Variants in TAF3 observed in about 807,000 individuals in gnomAD.
The protein encoded by TAF3 is TATA-box binding protein associated factor 3, also known as transcription initiation factor TFIID subunit 3.
TAF3 carries 7 observed loss-of-function variants against 80.6 expected under a neutral mutation model. The observed-to-expected ratio is 0.09, with a 90% CI of 0.05 to 0.16. The LOEUF (loss-of-function observed/expected upper bound fraction) is 0.16. TAF3 is among the 10% of genes least tolerant of loss of function. The pLI, the probability that TAF3 is intolerant of heterozygous loss-of-function variation, is 1.00. For missense variants in TAF3, 921 were observed against 1,140.2 expected (o/e 0.81, Z 2.77); for synonymous variants, 444 against 446.1 (o/e 1.00, Z 0.06).
chr10:7,981,912 G>A (rs968051735), intron 4 of TAF3, among the ~76,000 whole-genome samples: 7 of 152,124 alleles, frequency 4.6e-5, no homozygotes, highest in Non-Finnish European at 8.8e-5. Flanking sequence ...AAATCAATAT[G>A]TATAGACACT....
At chr10:7,926,354 TTGAG>T (rs779100423) in intron 2 of TAF3, among the ~76,000 whole-genome samples, 16 of 152,200 alleles carry the variant, frequency 1.1e-4, no homozygotes, top group Non-Finnish European at 1.5e-4. Flanking sequence ...CCATACTTGA[TTGAG>T]TAAAAGTTAA....
At chr10:7,871,435 C>CTTTTTTTTGTTTTTTTTTTTTTTTTTT (rs1837264078) in intron 2 of TAF3, among the ~76,000 whole-genome samples, 1 of 69,116 alleles carries the variant, frequency 1.4e-5, no homozygotes, top group South Asian at 5.2e-4. Context: ...ATAACTGCTG[C>CTTTTTTTTGTTTTTTTTTTTTTTTTTT]TTTTTTTTTT....
intron 2 of TAF3, among the ~76,000 whole-genome samples, chr10:7,918,378 C>T (rs1837732181): frequency 6.6e-6 from 1 of 151,980 alleles, no homozygotes; most frequent in Non-Finnish European, 1.5e-5. Context: ...AATGCAGTGC[C>T]ACATGTAGAC....
At chr10:7,849,952 A>G (rs1437570964) in intron 2 of TAF3, among the ~76,000 whole-genome samples, 1 of 152,190 alleles carries the variant, frequency 6.6e-6, no homozygotes, top group Non-Finnish European at 1.5e-5. Context: ...AGGTACTGGG[A>G]TTACAGGCGT....
intron 2 of TAF3, among the ~76,000 whole-genome samples, chr10:7,833,210 G>C (rs987047385): frequency 6.6e-6 from 1 of 152,150 alleles, no homozygotes; most frequent in African/African-American, 2.4e-5. Flanking sequence ...CAAATCTTTT[G>C]GGTAAATACT....
At chr10:7,913,628 G>C (rs1396854408) in intron 2 of TAF3, among the ~76,000 whole-genome samples, 2 of 152,162 alleles carry the variant, frequency 1.3e-5, no homozygotes, top group Admixed American at 1.3e-4. Flanking sequence ...TTGTTCCCCA[G>C]TAGTCCTTGT....
chr10:7,930,232 T>G (rs954665417), intron 2 of TAF3, among the ~76,000 whole-genome samples: 1 of 151,762 alleles, frequency 6.6e-6, no homozygotes, highest in African/African-American at 2.4e-5. Flanking sequence ...CTAAGAGAAA[T>G]CCTAAAAGGC....
intron 2 of TAF3, among the ~76,000 whole-genome samples, chr10:7,950,924 T>A (rs1838075986): frequency 6.6e-6 from 1 of 152,212 alleles, no homozygotes; most frequent in East Asian, 1.9e-4. Context: ...GTGATGTGCC[T>A]CATAGAGAAA....
At chr10:7,931,491 A>G (rs1837868912) in intron 2 of TAF3, among the ~76,000 whole-genome samples, 1 of 152,186 alleles carries the variant, frequency 6.6e-6, no homozygotes, top group Non-Finnish European at 1.5e-5. Flanking sequence ...ATTTCAGCCC[A>G]TCATTTAAGT....
At chr10:7,973,519 C>T (rs1434846885) in intron 3 of TAF3, among the ~76,000 whole-genome samples, 3 of 152,084 alleles carry the variant, frequency 2.0e-5, no homozygotes, top group African/African-American at 4.8e-5. Context: ...TGTGTGACCT[C>T]AGAAGAGAAA....
intron 2 of TAF3, among the ~76,000 whole-genome samples, chr10:7,836,366 C>T (rs1836852497): frequency 6.6e-6 from 1 of 151,914 alleles, no homozygotes; most frequent in Non-Finnish European, 1.5e-5. Flanking sequence ...CCTCCGGCTC[C>T]CTGGTTCAAG....
chr10:7,995,869 A>T (rs1251152243), intron 4 of TAF3, among the ~76,000 whole-genome samples: 1 of 152,228 alleles, frequency 6.6e-6, no homozygotes. Flanking sequence ...AAGAATAAGG[A>T]ATAACGATTG....
chr10:7,933,649 T>G (rs1266933915), intron 2 of TAF3, among the ~76,000 whole-genome samples: 17 of 152,222 alleles, frequency 1.1e-4, no homozygotes, highest in Non-Finnish European at 4.4e-5. Context: ...CCTCAACGTT[T>G]GCACATGCAC....
rs537062375 is a variant in TAF3, at chr10:7,923,976, T to A, written c.410-39944T>A. On this transcript the variant is annotated intron_variant, in intron 2 of 6. Transcript: ENST00000344293. ...AAAGGATAATTTGTACTTGAATTTT[T>A]AAAAATTTGATAGAAACAAAATTTC... Among the ~76,000 whole-genome samples, 11 of 152,332 alleles carry A rather than the reference T, an allele frequency of 7.2e-5. No individual in the cohort carries two copies. In the East Asian group the frequency reaches 1.3e-3, roughly 19 times the overall value.
intron 2 of TAF3, among the ~76,000 whole-genome samples, chr10:7,839,863 C>T (rs1004338333): frequency 6.6e-5 from 10 of 152,270 alleles, no homozygotes; most frequent in African/African-American, 2.2e-4. Flanking sequence ...CAAGATTTAG[C>T]GCCTCAGCGG....
At chr10:7,949,173 T>C (rs1335080361) in intron 2 of TAF3, among the ~76,000 whole-genome samples, 1 of 152,280 alleles carries the variant, frequency 6.6e-6, no homozygotes, top group African/African-American at 2.4e-5. Flanking sequence ...AAGAACCTTG[T>C]GCTCACCATC....
At chr10:8,010,189 G>A (rs1160994749) in intron 5 of TAF3, among the ~76,000 whole-genome samples, 1 of 152,206 alleles carries the variant, frequency 6.6e-6, no homozygotes, top group African/African-American at 2.4e-5. Flanking sequence ...TGACAGGCAT[G>A]AACAACCATG....
intron 2 of TAF3, among the ~76,000 whole-genome samples, chr10:7,867,035 G>C (rs1837220979): frequency 2.0e-5 from 3 of 152,174 alleles, no homozygotes; most frequent in African/African-American, 7.2e-5. Flanking sequence ...GAGGCAGGCG[G>C]ATCACCTGAG....
At chr10:7,905,172 T>A (rs1042251315) in intron 2 of TAF3, among the ~76,000 whole-genome samples, 1 of 152,158 alleles carries the variant, frequency 6.6e-6, no homozygotes, top group African/African-American at 2.4e-5. Flanking sequence ...CAAGGGGGGC[T>A]ATTTATGAAA....
Sources: gnomAD v4.1 joint callset for allele counts (sites outside exome capture counted in the v4.1 genomes callset) on GRCh38, gnomAD v4.1.1 for gene constraint, MANE v1.5 for transcripts, NCBI Gene and HGNC (gene_info 2026-07-23, HGNC 2026-07-21) for gene names.